The following ITSN1 variants were observed in gnomAD, a reference collection of about 807,000 sequenced individuals.
The protein encoded by ITSN1 is intersectin 1.
Under a neutral mutation model 239.8 loss-of-function variants are expected in ITSN1, and 58 were observed. The observed-to-expected ratio is 0.24, with a 90% CI of 0.20 to 0.30. The LOEUF is 0.30. ITSN1 is among the 10% of genes least tolerant of loss of function. ITSN1 has a pLI of 1.00. For missense variants in ITSN1, 1,558 were observed against 2,103.3 expected (o/e 0.74, Z 5.07); for synonymous variants, 780 against 770.8 (o/e 1.01, Z -0.20).
intron 1 of ITSN1, among the ~76,000 whole-genome samples, chr21:33,709,497 G>A (rs1484996692): frequency 6.6e-6 from 1 of 152,086 alleles, no homozygotes; most frequent in Non-Finnish European, 1.5e-5. Context: ...GGTCAGGCTG[G>A]TCTCGAACTC....
chr21:33,758,463 G>T (rs1489322739), intron 8 of ITSN1, among the ~76,000 whole-genome samples: 1 of 152,164 alleles, frequency 6.6e-6, no homozygotes, highest in South Asian at 2.1e-4. Context: ...TGATTTAGCC[G>T]ATACATCCTG....
chr21:33,652,802 C>G (rs1354542111), intron 1 of ITSN1, among the ~76,000 whole-genome samples: 1 of 151,994 alleles, frequency 6.6e-6, no homozygotes, highest in Non-Finnish European at 1.5e-5. Flanking sequence ...ACCAACTTGT[C>G]TTGCTGGAAC....
chr21:33,756,045 T>C (rs2067886572), intron 8 of ITSN1, among the ~76,000 whole-genome samples: 1 of 152,160 alleles, frequency 6.6e-6, no homozygotes, highest in South Asian at 2.1e-4. Context: ...GGCTCACGCC[T>C]GTAATCCCAA....
Position 33,692,148 on chromosome 21 carries a change from G to A in ITSN1, c.-32-26649G>A, listed in dbSNP as rs1279768860. ...GGGGACTGGAGGAGGTTGCGGCTTC[G>A]TTGAGGAGGGCTCAGAGAAGCCTGA... On this transcript the variant is annotated intron_variant, in intron 1 of 39. Coordinates refer to ENST00000381318, the MANE Select transcript of ITSN1 (RefSeq NM_003024.3). 5.3e-5 allele frequency among the ~76,000 whole-genome samples: 8 copies of A among 152,318 alleles called. No homozygotes were observed. In the South Asian group the frequency reaches 8.3e-4, roughly 16 times the overall value.
intron 27 of ITSN1, among the ~76,000 whole-genome samples, chr21:33,832,297 C>T (rs1602506424): frequency 6.6e-6 from 1 of 152,218 alleles, no homozygotes. Context: ...CCGTGTCCCT[C>T]CCCTGAGCTC....
chr21:33,768,238 A>T (rs571790206), intron 11 of ITSN1, among the ~76,000 whole-genome samples: 58 of 152,176 alleles, frequency 3.8e-4, no homozygotes, highest in African/African-American at 1.4e-3. Context: ...GAAACTCCTT[A>T]ATTGCAGGAA....
chr21:33,887,362 CAACTT>C (rs886416487), intron 39 of ITSN1, among the ~76,000 whole-genome samples: 4 of 151,836 alleles, frequency 2.6e-5, no homozygotes, highest in African/African-American at 9.7e-5. Context: ...ATTATGGTCT[CAACTT>C]AATTATAACC....
chr21:33,782,428 A>T (rs12627249), intron 16 of ITSN1, among the ~76,000 whole-genome samples: 2 of 152,264 alleles, frequency 1.3e-5, no homozygotes, highest in African/African-American at 4.8e-5. Flanking sequence ...TATCTTTCTT[A>T]TGTTCTTTGA....
intron 7 of ITSN1, among the ~76,000 whole-genome samples, chr21:33,752,551 T>C (rs2067627602): frequency 1.3e-5 from 2 of 152,336 alleles, no homozygotes; most frequent in African/African-American, 4.8e-5. Context: ...CCTTGCATAC[T>C]GCTACATTAA....
intron 1 of ITSN1, among the ~76,000 whole-genome samples, chr21:33,657,080 G>A (rs1459130576): frequency 6.6e-6 from 1 of 152,098 alleles, no homozygotes; most frequent in Non-Finnish European, 1.5e-5. Flanking sequence ...GGTTTGCTAT[G>A]TAGGTTTATT....
intron 9 of ITSN1, 103 bp from the exon 10 acceptor site, chr21:33,765,772 T>C (rs1218088598): frequency 1.6e-5 from 19 of 1,160,218 alleles, no homozygotes; most frequent in Non-Finnish European, 2.1e-5. Flanking sequence ...GAGACTCAGT[T>C]GGCCTGTGGT....
At chr21:33,801,481 G>T (rs1158773458) in intron 19 of ITSN1, among the ~76,000 whole-genome samples, 2 of 150,734 alleles carry the variant, frequency 1.3e-5, no homozygotes, top group African/African-American at 4.9e-5. Flanking sequence ...TCTTTTTTTT[G>T]AGACAGGGTC....
At chr21:33,883,489 G>A (rs961883045) in intron 35 of ITSN1, 61 bp from the exon 36 acceptor site, 24 of 1,596,648 alleles carry the variant, frequency 1.5e-5, no homozygotes, top group Non-Finnish European at 1.8e-5. Context: ...ACACACTCAC[G>A]GTTTACCGGA....
At chr21:33,736,541 C>G (rs564435827) in intron 5 of ITSN1, among the ~76,000 whole-genome samples, 1 of 152,308 alleles carries the variant, frequency 6.6e-6, no homozygotes, top group East Asian at 1.9e-4. Context: ...GCAGCAGCCT[C>G]CACATGACTG....
chr21:33,778,618 G>A lies in ITSN1; in HGVS notation c.1597-2843G>A, dbSNP rs113636108. On this transcript the variant is annotated intron_variant, in intron 14 of 39. Coordinates refer to ENST00000381318, the MANE Select transcript of ITSN1 (RefSeq NM_003024.3). ...TTTTGAGACGGAGTCTCGCTCTGTC[G>A]CCCAGGCTGGAGTGCAGTGGCGCAA... is the stretch of plus-strand genomic sequence containing the variant. Among the ~76,000 whole-genome samples the A allele has an allele frequency of 1.7e-3, 171 of 98,974 alleles. 7 individuals carry two copies. Among genetic ancestry groups the A allele is most frequent in the African/African-American group, 6.4e-3 (129 of 20,100 alleles). The allele number at this position is 98,974 out of a possible 152,430, so 64.9% of individuals were successfully genotyped here. A position where few individuals can be genotyped will look rare whatever the true frequency, so the allele number is the denominator to read the frequency against.
intron 1 of ITSN1, among the ~76,000 whole-genome samples, chr21:33,714,421 C>T (rs540540969): frequency 2.6e-5 from 4 of 152,146 alleles, no homozygotes; most frequent in African/African-American, 7.2e-5. Context: ...GAGGTGAAGG[C>T]TTTTGGAGGG....
At chr21:33,646,417 A>G (rs369951490) in intron 1 of ITSN1, among the ~76,000 whole-genome samples, 1 of 152,228 alleles carries the variant, frequency 6.6e-6, no homozygotes, top group Admixed American at 6.5e-5. Context: ...ACATACTGCT[A>G]TAAAAATTGG....
chr21:33,876,053 G>T (rs565302310), intron 34 of ITSN1, among the ~76,000 whole-genome samples: 4 of 72,492 alleles, frequency 5.5e-5, no homozygotes, highest in South Asian at 1.0e-3. Flanking sequence ...CCTGTCTGCT[G>T]ATTTCTTTCT....
chr21:33,779,841 CT>C (rs570839307), intron 14 of ITSN1, among the ~76,000 whole-genome samples: 9 of 148,652 alleles, frequency 6.1e-5, no homozygotes, highest in South Asian at 2.1e-4. Context: ...TTTTTCTTTT[CT>C]TTTTTTTTTG....
Sources: allele counts gnomAD v4.1 joint callset (sites outside exome capture counted in the v4.1 genomes callset), GRCh38; gene constraint gnomAD v4.1.1; transcripts MANE v1.5; gene names NCBI Gene and HGNC (gene_info 2026-07-23, HGNC 2026-07-21).